The following KPNA6 variants were observed in gnomAD, a reference collection of about 807,000 sequenced individuals.
KPNA6 encodes the protein karyopherin subunit alpha 6.
KPNA6 carries 9 observed loss-of-function variants against 72.0 expected under a neutral mutation model. The observed-to-expected ratio is 0.13, with a 90% CI of 0.08 to 0.22. The LOEUF (loss-of-function observed/expected upper bound fraction) is 0.22. Among genes scored for constraint, KPNA6 ranks in the 10% least tolerant of loss-of-function variants. The pLI is 1.00. For synonymous variants in KPNA6, 219 were observed against 242.1 expected, an observed-to-expected ratio of 0.90 and a Z score of 0.89; for missense variants, 374 against 655.7, an observed-to-expected ratio of 0.57 and a Z score of 4.69.
rs1248493023 is a variant in KPNA6, at chr1:32,176,168, T to C, written c.*5274T>C. 6.6e-6 allele frequency: 1 copy of C among 152,082 alleles called. No individual in the cohort carries two copies. The highest frequency in any genetic ancestry group is 1.5e-5 in the Non-Finnish European group (1 of 68,026). The allele number at this position is 152,082 out of a possible 1,614,324, so 9.4% of individuals were successfully genotyped here. ...GGTGTCGGCTTTTTTAGCCAGCTTT[T>C]GTGGGAATTGCCTTTGACCTATTAA... On this transcript the variant is annotated 3_prime_UTR_variant, in exon 14 of 14. Transcript: ENST00000373625.
intron 1 of KPNA6, chr1:32,143,109 A>C: frequency 1.3e-6 from 1 of 786,664 alleles, no homozygotes; most frequent in Non-Finnish European, 1.9e-6. Flanking sequence ...CGGGCCTCAA[A>C]AGGAGTGCAG....
In KPNA6 at chr1:32,170,815, T is replaced by C; in HGVS notation, c.1532T>C (p.Leu511Pro). ...GGTGTAGAAGACGATGATAGCAGCC[T>C]GGCTCCCCAAGTCGATGAAACGCAA... ...YFGVEDDDSS[L>P]APQVDETQQQ... Residue 511 changes from leucine (L) to proline (P), a missense_variant, in exon 14 of 14, where the codon CTG (leucine) becomes CCG (proline). Leu to Pro is a moderately conservative substitution (Grantham distance 98). Transcript: ENST00000373625. 3 of 1,614,212 alleles carry C rather than the reference T, an allele frequency of 1.9e-6. No individual in the cohort carries two copies. Among genetic ancestry groups the C allele is most frequent in the Non-Finnish European group, 2.5e-6 (3 of 1,180,032 alleles).
rs200170133 is a variant in KPNA6, at chr1:32,143,592, GA to G, written c.5-10987del. On this transcript the variant is annotated intron_variant, in intron 1 of 13. Coordinates refer to ENST00000373625, the MANE Select transcript of KPNA6 (RefSeq NM_012316.5). ...TGTCTTAAAAAAAAAAAAAAGAAAA[GA>G]AAAAAAAATTATTAGTGATAAAATA... 7.2e-3 allele frequency among the ~76,000 whole-genome samples: 992 copies of G among 138,566 alleles called. 10 individuals are homozygous for G. The highest frequency in any genetic ancestry group is 0.024 in the African/African-American group (893 of 37,300). 90.9% of individuals were successfully genotyped at this position (138,566 alleles called of 152,430 possible).
chr1:32,154,079 A>C lies in KPNA6; in HGVS notation c.5-509A>C, dbSNP rs544070940. Among the ~76,000 whole-genome samples, 4 of 152,082 alleles carry C rather than the reference A, an allele frequency of 2.6e-5. No homozygotes were observed. The South Asian group carries it at 8.3e-4, about 32-fold the overall frequency. ...GGAGAATCACGTGAGCCCAGGAGGC[A>C]GAGGTTGCAGTGAGTCGATACCGTG... On this transcript the variant is annotated intron_variant, in intron 1 of 13. Transcript: ENST00000373625.
chr1:32,166,129 C>T lies in KPNA6; in HGVS notation c.1015C>T (p.Pro339Ser). 1 of 1,614,090 alleles carries T rather than the reference C, an allele frequency of 6.2e-7. No homozygotes were observed. The highest frequency in any genetic ancestry group is 8.5e-7 in the Non-Finnish European group (1 of 1,179,994). ...GGTCATTCTTAACTGTTCAGCCCTA[C>T]CTTGCCTTCTCCACTTGTTGAGCAG... ...TQVILNCSAL[P>S]CLLHLLSSPK... The change falls in exon 11 of 14, where the codon CCT (proline) becomes TCT (serine). Residue 339 changes from proline to serine, a missense_variant. This residue lies in a region of KPNA6 where 298 missense variants were observed against 495.4 expected (regional missense o/e 0.60). Coordinates refer to ENST00000373625, the MANE Select transcript of KPNA6 (RefSeq NM_012316.5).
chr1:32,120,470 A>C (rs1641412553), intron 1 of KPNA6, among the ~76,000 whole-genome samples: 1 of 150,462 alleles, frequency 6.6e-6, no homozygotes, highest in Non-Finnish European at 1.5e-5. Context: ...CTGGTCTCGA[A>C]CTCCTGACCT....
At chr1:32,160,009 G>C (rs905800347) in intron 6 of KPNA6, among the ~76,000 whole-genome samples, 1 of 152,182 alleles carries the variant, frequency 6.6e-6, no homozygotes, top group African/African-American at 2.4e-5. Flanking sequence ...CTACAAGAGT[G>C]CAACTTTCGC....
At chr1:32,160,036 C>T (rs1465362043) in intron 6 of KPNA6, among the ~76,000 whole-genome samples, 3 of 152,160 alleles carry the variant, frequency 2.0e-5, no homozygotes, top group Non-Finnish European at 4.4e-5. Flanking sequence ...CGGTGGCTCA[C>T]GCCTATAATC....
intron 1 of KPNA6, among the ~76,000 whole-genome samples, chr1:32,127,122 G>A (rs188898760): frequency 2.6e-4 from 40 of 152,164 alleles, no homozygotes; most frequent in African/African-American, 8.4e-4. Flanking sequence ...ATTGCTTTCC[G>A]AAGACTTGCG....
intron 11 of KPNA6, 119 bp from the exon 12 acceptor site, chr1:32,167,050 A>G (rs1642352866): frequency 7.5e-7 from 1 of 1,335,372 alleles, no homozygotes; most frequent in African/African-American, 1.5e-5. Flanking sequence ...TAGGAAGAAC[A>G]AAAGAAAACT....
intron 1 of KPNA6, among the ~76,000 whole-genome samples, chr1:32,123,287 C>G (rs746604646): frequency 3.3e-5 from 5 of 152,050 alleles, no homozygotes; most frequent in Non-Finnish European, 5.9e-5. Flanking sequence ...TTTTAATCAC[C>G]TTCCTAAGGA....
At chr1:32,161,800 A>C (rs533629190) in intron 7 of KPNA6, 147 bp from the exon 8 acceptor site, 9 of 642,134 alleles carry the variant, frequency 1.4e-5, no homozygotes, top group Non-Finnish European at 2.5e-5. Context: ...CCTAACCTAT[A>C]CCAGCTCTAT....
At chr1:32,109,783 T>A (rs11810566) in intron 1 of KPNA6, among the ~76,000 whole-genome samples, 3,790 of 151,900 alleles carry the variant, frequency 0.025, 52 homozygotes, top group Non-Finnish European at 0.031. Flanking sequence ...TAGTTGGGAC[T>A]ACAGGTGCCC....
At chr1:32,135,211 G>A (rs1486278623) in intron 1 of KPNA6, among the ~76,000 whole-genome samples, 2 of 152,184 alleles carry the variant, frequency 1.3e-5, no homozygotes, top group Non-Finnish European at 2.9e-5. Flanking sequence ...GGGATTACAG[G>A]CATGCACCAC....
In KPNA6 at chr1:32,174,680, A is replaced by C. The variant is rs1467895842; in HGVS notation, c.*3786A>C. On this transcript the variant is annotated 3_prime_UTR_variant, in exon 14 of 14. Coordinates refer to ENST00000373625, the MANE Select transcript of KPNA6 (RefSeq NM_012316.5). ...GACTCTCAGCTGAAGACAGGGAGCC[A>C]ATTTCCCCCAGGTCCCTGCAGGTAA... The C allele has an allele frequency of 6.6e-6, 1 of 152,172 alleles. No homozygotes were observed. The highest frequency in any genetic ancestry group is 1.9e-4 in the East Asian group (1 of 5,190). The allele number at this position is 152,172 out of a possible 1,614,324, so 9.4% of individuals were successfully genotyped here.
chr1:32,155,775 GGAGTGCAGT>G (rs935758616), intron 2 of KPNA6, among the ~76,000 whole-genome samples: 15 of 151,570 alleles, frequency 9.9e-5, no homozygotes, highest in Admixed American at 3.3e-4. Flanking sequence ...CACCCAGGCT[GGAGTGCAGT>G]GAGTGCAGTG....
intron 1 of KPNA6, among the ~76,000 whole-genome samples, chr1:32,142,656 G>T (rs1641860067): frequency 6.6e-6 from 1 of 152,156 alleles, no homozygotes; most frequent in Non-Finnish European, 1.5e-5. Flanking sequence ...TTCACTTTGA[G>T]AGAGTTCCTT....
chr1:32,124,032 C>CAAAAAA (rs771086945), intron 1 of KPNA6, among the ~76,000 whole-genome samples: 1 of 43,122 alleles, frequency 2.3e-5, no homozygotes, highest in South Asian at 8.0e-4. Flanking sequence ...GACTCTGTCT[C>CAAAAAA]AAAAAAAAAA....
At chr1:32,144,567 C>G (rs1295792539) in intron 1 of KPNA6, among the ~76,000 whole-genome samples, 1 of 152,146 alleles carries the variant, frequency 6.6e-6, no homozygotes, top group African/African-American at 2.4e-5. Context: ...AGCAATCCAC[C>G]AGGTTCCAGA....
Sources: allele counts gnomAD v4.1 joint callset (sites outside exome capture counted in the v4.1 genomes callset), GRCh38; gene constraint gnomAD v4.1.1; regional missense constraint gnomAD v4.1.1; transcripts MANE v1.5; gene names NCBI Gene and HGNC (gene_info 2026-07-23, HGNC 2026-07-21).